E2F1: variants seen among roughly 807,000 people sequenced by gnomAD.
The protein encoded by E2F1 is transcription factor E2F1.
E2F1 carries 7 observed loss-of-function variants against 36.9 expected under a neutral mutation model. The ratio of observed to expected loss-of-function variants is 0.19; its 90% confidence interval spans 0.11 to 0.36. The LOEUF is 0.36. Among genes scored for constraint, E2F1 ranks in the 10% least tolerant of loss-of-function variants. E2F1 has a pLI of 1.00. For synonymous variants in E2F1, 261 were observed against 263.1 expected (o/e 0.99, Z 0.08); for missense variants, 406 against 573.6 (o/e 0.71, Z 2.99).
rs149803612 is a variant in E2F1 at position 33,680,353 on chromosome 20, G to T, written c.325C>A (p.Arg109=). Residue 109 remains arginine (R), a synonymous_variant, in exon 2 of 7, where the codon CGG becomes AGG. Coordinates refer to ENST00000343380, the MANE Select transcript of E2F1 (RefSeq NM_005225.3). ...TTTCCTGGATGGCGGCCTCTGCCCC[G>T]AGCTGGCCCACTGCTCTCGGCCAGG... is the stretch of plus-strand genomic sequence containing the variant. ...QYLAESSGPA[R]GRGRHPGKGV... is the part of the protein sequence containing the mutation. The T allele has an allele frequency of 6.2e-7, 1 of 1,614,056 alleles. No homozygotes were observed. Among genetic ancestry groups the T allele is most frequent in the African/African-American group, 1.3e-5 (1 of 74,944 alleles).
In E2F1 at chr20:33,686,258, A is replaced by G; in HGVS notation, c.7T>C (p.Leu3=). Residue 3 remains leucine, a synonymous_variant, in exon 1 of 7, where the codon TTG becomes CTG. Coordinates refer to ENST00000343380, the MANE Select transcript of E2F1 (RefSeq NM_005225.3). The part of the protein sequence containing the change: MA[L]AGAPAGGPCA... ...GGGCCGCCCGCAGGGGCCCCGGCCA[A>G]GGCCATGACGCTCACGGCCCGCGCG... The G allele has an allele frequency of 9.9e-7, 1 of 1,007,126 alleles. No individual in the cohort carries two copies. The highest frequency in any genetic ancestry group is 1.2e-6 in the Non-Finnish European group (1 of 846,360). 62.4% of individuals were successfully genotyped at this position (1,007,126 alleles called of 1,614,324 possible).
At chr20:33,680,448 C>G (rs2018007251) in intron 1 of E2F1, 32 bp from the exon 2 acceptor site, 1 of 1,604,106 alleles carries the variant, frequency 6.2e-7, no homozygotes. Context: ...GCCCAGTAAC[C>G]AGGAGTGAGG....
chr20:33,684,952 C>T (rs1267920503), intron 1 of E2F1, among the ~76,000 whole-genome samples: 1 of 152,172 alleles, frequency 6.6e-6, no homozygotes, highest in Admixed American at 6.5e-5. Context: ...CACCCATAGG[C>T]TGCGCCAGTC....
Position 33,679,746 on chromosome 20 carries a change from G to A in E2F1, c.572+9C>T, listed in dbSNP as rs769189668. ...GGTGTGCCTGCCCTCCTGTGTGGCCGGTACCTACAGCCACTGGATGTGGTT... is the reference window on the plus strand; with the variant it reads ...GGTGTGCCTGCCCTCCTGTGTGGCCAGTACCTACAGCCACTGGATGTGGTT... On this transcript the variant is annotated intron_variant, in intron 3 of 6. Transcript: ENST00000343380. The surrounding 1 kb of genome is among the most constrained non-coding windows in gnomAD (Gnocchi z 4.6). 12 of 1,612,478 alleles carry A rather than the reference G, an allele frequency of 7.4e-6. No individual in the cohort carries two copies. The highest frequency in any genetic ancestry group is 6.7e-5 in the East Asian group (3 of 44,886).
chr20:33,681,062 AG>A (rs1477830865), intron 1 of E2F1, among the ~76,000 whole-genome samples: 1 of 152,054 alleles, frequency 6.6e-6, no homozygotes, highest in Non-Finnish European at 1.5e-5. Flanking sequence ...TTTTTTAGAC[AG>A]GGTATCGCTC....
intron 1 of E2F1, 65 bp from the exon 2 acceptor site, chr20:33,680,481 C>T (rs2018007513): frequency 7.0e-7 from 1 of 1,431,646 alleles, no homozygotes; most frequent in Admixed American, 1.9e-5. Flanking sequence ...TGGCTTAAGG[C>T]TGGGTGCCTC....
chr20:33,686,070 G>A lies in E2F1; in HGVS notation c.195C>T (p.Leu65=), dbSNP rs13040522. The A allele has an allele frequency of 4.4e-5, 49 of 1,117,814 alleles. No individual in the cohort carries two copies. Among genetic ancestry groups the A allele is most frequent in the Non-Finnish European group, 5.1e-5 (47 of 916,772 alleles). 69.2% of individuals were successfully genotyped at this position (1,117,814 alleles called of 1,614,324 possible). ...GCCGGGGCGCCTGCGGTGTGGCGAA[G>A]AGCAGCAGGTCAGGGTCGCAGGGGC... ...AAGPCDPDLL[L]FATPQAPRPT... is the part of the protein sequence containing the mutation. Residue 65 remains leucine (L), a synonymous_variant, in exon 1 of 7, where the codon CTC becomes CTT. Transcript: ENST00000343380.
intron 1 of E2F1, among the ~76,000 whole-genome samples, chr20:33,684,099 G>A (rs1188253814): frequency 1.3e-5 from 2 of 152,196 alleles, no homozygotes; most frequent in Non-Finnish European, 1.5e-5. Flanking sequence ...TGCCTCCTGG[G>A]CATTCACTAA....
In E2F1 at chr20:33,678,231, C is replaced by T. The variant is rs1372237664; in HGVS notation, c.695G>A (p.Arg232His). The T allele has an allele frequency of 1.7e-5, 28 of 1,613,534 alleles. No homozygotes were observed. The highest frequency in any genetic ancestry group is 2.4e-5 in the Non-Finnish European group (28 of 1,179,820). The change falls in exon 4 of 7, where the codon CGC becomes CAC. Residue 232 changes from arginine (R) to histidine (H), a missense_variant. Transcript: ENST00000343380. The part of the protein sequence containing the change: ...HLMNICTTQL[R>H]LLSEDTDSQR... ...GCTGTCAGTGTCCTCGGAGAGCAGG[C>T]GCAGCTGCGTAGTACAGATATTCAT...
chr20:33,685,266 G>A (rs1425997250), intron 1 of E2F1, among the ~76,000 whole-genome samples: 1 of 152,128 alleles, frequency 6.6e-6, no homozygotes, highest in African/African-American at 2.4e-5. Flanking sequence ...GGAGGGTGGA[G>A]GGTGGCAGAT....
rs1433263865 is a variant in E2F1, at chr20:33,677,548, G to A, written c.726-8C>T. 3 of 1,611,874 alleles carry A rather than the reference G, an allele frequency of 1.9e-6. No individual in the cohort carries two copies. Among genetic ancestry groups the A allele is most frequent in the Admixed American group, 3.3e-5 (2 of 59,932 alleles). On this transcript the variant is annotated splice_region_variant and splice_polypyrimidine_tract_variant and intron_variant, in intron 4 of 6. Coordinates refer to ENST00000343380, the MANE Select transcript of E2F1 (RefSeq NM_005225.3). ...CACGTCACGTAGGCCAGGGTTGGCA[G>A]AGTCAAGGACCACATGACCTTTGAC... is the stretch of plus-strand genomic sequence containing the variant.
At chr20:33,681,002 C>G (rs932903838) in intron 1 of E2F1, among the ~76,000 whole-genome samples, 1 of 152,166 alleles carries the variant, frequency 6.6e-6, no homozygotes, top group Non-Finnish European at 1.5e-5. Context: ...TCCTGACCCA[C>G]AAAAACTATA....
chr20:33,680,353 G>A lies in E2F1; in HGVS notation c.325C>T (p.Arg109Trp), dbSNP rs149803612. 19 of 1,614,056 alleles carry A rather than the reference G, an allele frequency of 1.2e-5. No homozygotes were observed. The highest frequency in any genetic ancestry group is 8.3e-5 in the Admixed American group (5 of 59,996). The change falls in exon 2 of 7, where the codon CGG (arginine) becomes TGG (tryptophan). Residue 109 changes from arginine to tryptophan, a missense_variant. By Grantham distance (101) the Arg-to-Trp change is moderately radical. Transcript: ENST00000343380. The stretch of plus-strand genomic sequence containing the variant: ...TTTCCTGGATGGCGGCCTCTGCCCC[G>A]AGCTGGCCCACTGCTCTCGGCCAGG... ...QYLAESSGPA[R>W]GRGRHPGKGV...
Position 33,680,779 on chromosome 20 carries a change from G to A in E2F1, c.262-363C>T, listed in dbSNP as rs566353967. Among the ~76,000 whole-genome samples the A allele has an allele frequency of 3.6e-4, 55 of 152,304 alleles. 1 individual carries two copies. Among genetic ancestry groups the A allele is most frequent in the African/African-American group, 1.3e-3 (54 of 41,556 alleles). Reference sequence around the variant, plus strand: ...GGATGGCCTGTCACTTTTGAGACTGGGTCAGAGGCGCTGGAGCTTCCTCCT... The same window carrying A: ...GGATGGCCTGTCACTTTTGAGACTGAGTCAGAGGCGCTGGAGCTTCCTCCT... On this transcript the variant is annotated intron_variant, in intron 1 of 6. Transcript: ENST00000343380.
In E2F1 at chr20:33,686,229, G is replaced by A. The variant is rs1351186607; in HGVS notation, c.36C>T (p.Cys12=). The A allele has an allele frequency of 3.9e-6, 4 of 1,025,596 alleles. No individual in the cohort carries two copies. Among genetic ancestry groups the A allele is most frequent in the African/African-American group, 1.7e-5 (1 of 57,444 alleles). 63.5% of individuals were successfully genotyped at this position (1,025,596 alleles called of 1,614,324 possible). ...ALAGAPAGGP[C]APALEALLGA... ...CGAGCAGGGCCTCCAGCGCCGGCGC[G>A]CATGGGCCGCCCGCAGGGGCCCCGG... Residue 12 remains cysteine, a synonymous_variant, in exon 1 of 7, where the codon TGC becomes TGT. Transcript: ENST00000343380.
Position 33,686,142 on chromosome 20 carries a change from G to T in E2F1, c.123C>A (p.Asp41Glu). ...SQIVIISAAQ[D>E]ASAPPAPTGP... ...CGGTGGGAGCCGGCGGGGCGCTGGC[G>T]TCCTGCGCGGCGGAGATGATGACGA... The change falls in exon 1 of 7, where the codon GAC (aspartate) becomes GAA (glutamate). Residue 41 changes from aspartate (D) to glutamate (E), a missense_variant. This residue lies in a region of E2F1 where 68 missense variants were observed against 74.3 expected (regional missense o/e 0.92). Transcript: ENST00000343380. The T allele has an allele frequency of 9.4e-7, 1 of 1,059,832 alleles. No individual in the cohort carries two copies. Among genetic ancestry groups the T allele is most frequent in the East Asian group, 7.0e-5 (1 of 14,330 alleles). The allele number at this position is 1,059,832 out of a possible 1,614,324, so 65.7% of individuals were successfully genotyped here.
rs369957716 is a variant in E2F1 at position 33,677,559 on chromosome 20, C to T, written c.726-19G>A. On this transcript the variant is annotated intron_variant, in intron 4 of 6. Transcript: ENST00000343380. ...GGCCAGGGTTGGCAGAGTCAAGGAC[C>T]ACATGACCTTTGACTTCTAGGGGGT... The T allele has an allele frequency of 1.8e-5, 29 of 1,601,600 alleles. No homozygotes were observed. In the African/African-American group the frequency reaches 3.8e-4, roughly 21 times the overall value.
At chr20:33,678,633 G>C (rs2017988471) in intron 3 of E2F1, among the ~76,000 whole-genome samples, 2 of 151,486 alleles carry the variant, frequency 1.3e-5, no homozygotes, top group African/African-American at 4.9e-5. Flanking sequence ...ACACACACAT[G>C]CATTTCCAAG....
In E2F1 at chr20:33,686,085, G is replaced by A. The variant is rs2018066299; in HGVS notation, c.180C>T (p.Asp60=). 2.7e-5 allele frequency: 30 copies of A among 1,105,964 alleles called. No homozygotes were observed. In the South Asian group the frequency reaches 1.2e-3, roughly 46 times the overall value. The allele number at this position is 1,105,964 out of a possible 1,614,324, so 68.5% of individuals were successfully genotyped here. A position where few individuals can be genotyped will look rare whatever the true frequency, so the allele number is the denominator to read the frequency against. Residue 60 remains aspartate, a synonymous_variant, in exon 1 of 7, where the codon GAC becomes GAT. Coordinates refer to ENST00000343380, the MANE Select transcript of E2F1 (RefSeq NM_005225.3). ...GPAAPAAGPC[D]PDLLLFATPQ... ...GTGTGGCGAAGAGCAGCAGGTCAGGGTCGCAGGGGCCGGCGGCGGGCGCCG... is the reference window on the plus strand; with the variant it reads ...GTGTGGCGAAGAGCAGCAGGTCAGGATCGCAGGGGCCGGCGGCGGGCGCCG...
Sources: allele counts gnomAD v4.1 joint callset (sites outside exome capture counted in the v4.1 genomes callset), GRCh38; gene constraint gnomAD v4.1.1; regional missense constraint gnomAD v4.1.1; non-coding constraint Gnocchi (gnomAD v3.1); transcripts MANE v1.5; gene names NCBI Gene and HGNC (gene_info 2026-07-23, HGNC 2026-07-21).